The following PSD3 variants were observed in gnomAD, a reference collection of about 807,000 sequenced individuals.
PSD3 encodes PH and SEC7 domain-containing protein 3.
PSD3 carries 49 observed loss-of-function variants against 105.5 expected under a neutral mutation model. The ratio of observed to expected loss-of-function variants is 0.46; its 90% CI spans 0.37 to 0.59. The LOEUF is 0.59. Among genes scored for constraint, PSD3 ranks in the 20% least tolerant of loss-of-function variants. PSD3 has a pLI of 0.00. For missense variants in PSD3, 1,561 were observed against 1,263.8 expected, an observed-to-expected ratio of 1.24 and a Z score of -3.57; for synonymous variants, 557 against 457.8, an observed-to-expected ratio of 1.22 and a Z score of -2.77.
Position 18,691,047 on chromosome 8 carries a change from G to GC in PSD3, c.2173-35363dup, listed in dbSNP as rs557436642. On this transcript the variant is annotated intron_variant, in intron 9 of 15. Coordinates refer to ENST00000327040, the MANE Select transcript of PSD3 (RefSeq NM_015310.4). The stretch of plus-strand genomic sequence containing the variant: ...TATGATTTGTACAACCTATGAGGAC[G>GC]CATCACCTCACTCCAGCAGCCTTCA... Among the ~76,000 whole-genome samples the GC allele has an allele frequency of 1.8e-4, 27 of 152,076 alleles. 1 individual carries two copies. In the South Asian group the frequency reaches 5.6e-3, roughly 32 times the overall value.
At chr8:18,995,300 A>C (rs941868931) in intron 1 of PSD3, among the ~76,000 whole-genome samples, 2 of 152,114 alleles carry the variant, frequency 1.3e-5, no homozygotes, top group African/African-American at 4.8e-5. Flanking sequence ...AACTTGGCCT[A>C]GTCTCTTCAG....
intron 9 of PSD3, among the ~76,000 whole-genome samples, chr8:18,694,705 G>C (rs2131008605): frequency 6.6e-6 from 1 of 152,074 alleles, no homozygotes; most frequent in South Asian, 2.1e-4. Flanking sequence ...GCTGGGTGCA[G>C]TGGTTCACAT....
At chr8:19,037,000 C>A (rs1421115367) in intron 1 of PSD3, among the ~76,000 whole-genome samples, 3 of 152,206 alleles carry the variant, frequency 2.0e-5, no homozygotes, top group African/African-American at 7.2e-5. Context: ...TCCCCTGTGT[C>A]CTAGCCCCTA....
chr8:18,909,618 G>A (rs533283956), intron 2 of PSD3, among the ~76,000 whole-genome samples: 48 of 152,082 alleles, frequency 3.2e-4, no homozygotes, highest in African/African-American at 1.0e-3. Flanking sequence ...TGAGCAGCTC[G>A]GACTACAGGC....
intron 1 of PSD3, among the ~76,000 whole-genome samples, chr8:18,977,460 C>T (rs570686370): frequency 6.6e-6 from 1 of 152,192 alleles, no homozygotes; most frequent in Non-Finnish European, 1.5e-5. Flanking sequence ...GGCATATAGT[C>T]AGCAGCCAAC....
intron 2 of PSD3, among the ~76,000 whole-genome samples, chr8:18,933,402 A>T (rs1231244762): frequency 6.6e-6 from 1 of 151,978 alleles, no homozygotes; most frequent in Non-Finnish European, 1.5e-5. Flanking sequence ...AAAAAAGCTT[A>T]ATTAGCAAAA....
At chr8:18,667,690 C>T (rs917791040) in intron 9 of PSD3, among the ~76,000 whole-genome samples, 1 of 152,228 alleles carries the variant, frequency 6.6e-6, no homozygotes, top group Non-Finnish European at 1.5e-5. Context: ...ACTCCTCAGC[C>T]CTTAGGCAGC....
chr8:18,762,899 C>T, intron 9 of PSD3: 4 of 1,260,804 alleles, frequency 3.2e-6, no homozygotes, highest in East Asian at 5.7e-5. Context: ...TTGGCTTATA[C>T]TTTTATTTCA....
At chr8:18,811,634 C>G (rs547971933) in intron 4 of PSD3, among the ~76,000 whole-genome samples, 2 of 152,202 alleles carry the variant, frequency 1.3e-5, no homozygotes, top group South Asian at 4.1e-4. Flanking sequence ...AACATTTGAG[C>G]AAGATGTAAA....
chr8:18,928,514 T>C (rs1489151043), intron 2 of PSD3, among the ~76,000 whole-genome samples: 3 of 152,192 alleles, frequency 2.0e-5, no homozygotes, highest in South Asian at 4.1e-4. Flanking sequence ...TAATCGACTA[T>C]TATTCCACAC....
rs115557655 is a variant in PSD3, at chr8:18,576,093, A to C, written c.2482-808T>G. Among the ~76,000 whole-genome samples, 375 of 152,260 alleles carry C rather than the reference A, an allele frequency of 2.5e-3. 2 individuals carry two copies. Among genetic ancestry groups the C allele is most frequent in the African/African-American group, 8.6e-3 (359 of 41,558 alleles). ...AAAGAAAGATATTGTCTGTTTTCTTATCAGTCTGCTTTTACAAATTTTCAC... is the reference window on the plus strand; with the variant it reads ...AAAGAAAGATATTGTCTGTTTTCTTCTCAGTCTGCTTTTACAAATTTTCAC... On this transcript the variant is annotated intron_variant, in intron 12 of 15. Coordinates refer to ENST00000327040, the MANE Select transcript of PSD3 (RefSeq NM_015310.4).
chr8:18,673,104 CTTT>C (rs1563161222), intron 9 of PSD3, among the ~76,000 whole-genome samples: 1 of 152,044 alleles, frequency 6.6e-6, no homozygotes, highest in Admixed American at 6.6e-5. Context: ...CTTTCAATCT[CTTT>C]TTGGTTTTTC....
At chr8:18,849,656 A>G (rs1477058748) in intron 4 of PSD3, 1 of 152,232 alleles carries the variant, frequency 6.6e-6, no homozygotes, top group African/African-American at 2.4e-5. Context: ...CAGTAATTAC[A>G]AATCTACTAT....
chr8:18,930,698 T>C (rs780750500), intron 2 of PSD3, among the ~76,000 whole-genome samples: 1 of 151,888 alleles, frequency 6.6e-6, no homozygotes, highest in Non-Finnish European at 1.5e-5. Context: ...GCTTCCTGAG[T>C]AGCTGCGATG....
chr8:18,953,010 A>G (rs1233285042), intron 1 of PSD3, among the ~76,000 whole-genome samples: 1 of 152,232 alleles, frequency 6.6e-6, no homozygotes, highest in East Asian at 1.9e-4. Context: ...TATCTAATAT[A>G]TAACAAACTC....
intron 12 of PSD3, among the ~76,000 whole-genome samples, chr8:18,581,422 T>C (rs940793159): frequency 5.3e-5 from 8 of 152,158 alleles, no homozygotes; most frequent in Admixed American, 5.2e-4. Context: ...AGGAGTGTGC[T>C]CTTACTTAGC....
At chr8:18,805,318 A>T (rs910286820) in intron 4 of PSD3, among the ~76,000 whole-genome samples, 9 of 152,162 alleles carry the variant, frequency 5.9e-5, no homozygotes, top group Non-Finnish European at 1.2e-4. Context: ...CTGTTTTTTT[A>T]AAACACAAAT....
upstream of PSD3, chr8:19,013,734 G>T: frequency 2.0e-6 from 1 of 498,394 alleles, no homozygotes; most frequent in Non-Finnish European, 2.8e-6. Context: ...CACCCTGGCG[G>T]AGGCTGGCGA....
At chr8:18,557,116 A>G (rs2130155622) in intron 14 of PSD3, among the ~76,000 whole-genome samples, 1 of 152,350 alleles carries the variant, frequency 6.6e-6, no homozygotes, top group Non-Finnish European at 1.5e-5. Flanking sequence ...AAGATATGTT[A>G]CTGAACCTTC....
Sources: gnomAD v4.1 joint callset for allele counts (sites outside exome capture counted in the v4.1 genomes callset) on GRCh38, gnomAD v4.1.1 for gene constraint, MANE v1.5 for transcripts, NCBI Gene and HGNC (gene_info 2026-07-23, HGNC 2026-07-21) for gene names.